The following DLGAP1 variants were observed in gnomAD, a reference collection of about 807,000 sequenced individuals.
DLGAP1 encodes the protein DLG associated protein 1.
A neutral mutation model predicts 90.8 loss-of-function variants in DLGAP1; 11 were observed. That is an observed-to-expected ratio of 0.12 (90% confidence interval 0.08 to 0.20). The LOEUF is 0.20. Ranked by LOEUF, DLGAP1 falls within the 10% of genes least tolerant of loss-of-function variation. The pLI is 1.00. For synonymous variants in DLGAP1, 558 were observed against 540.7 expected, an observed-to-expected ratio of 1.03 and a Z score of -0.44; for missense variants, 1,050 against 1,333.8, an observed-to-expected ratio of 0.79 and a Z score of 3.31.
intron 3 of DLGAP1, among the ~76,000 whole-genome samples, chr18:3,906,014 A>G (rs1168788676): frequency 6.6e-6 from 1 of 152,208 alleles, no homozygotes; most frequent in Non-Finnish European, 1.5e-5. Flanking sequence ...TACCTGAGGA[A>G]TTGCAGACCA....
At chr18:3,843,107 T>G (rs2068811440) in intron 4 of DLGAP1, among the ~76,000 whole-genome samples, 1 of 152,216 alleles carries the variant, frequency 6.6e-6, no homozygotes, top group Admixed American at 6.5e-5. Context: ...ACCTGCTCTG[T>G]GGCCTTTGAT....
Position 3,526,072 on chromosome 18 carries a change from A to G in DLGAP1, c.2479+8122T>C, listed in dbSNP as rs557739365. Among the ~76,000 whole-genome samples, 1 of 152,238 alleles carries G rather than the reference A, an allele frequency of 6.6e-6. No homozygotes were observed. The highest frequency in any genetic ancestry group is 2.1e-4 in the South Asian group (1 of 4,818). The stretch of plus-strand genomic sequence containing the variant: ...CACTTCCTCTGCGGTCACTAATTTC[A>G]GGTTGTCTGGAGCTTACAAAAAGAG... On this transcript the variant is annotated intron_variant, in intron 10 of 12. Coordinates refer to ENST00000315677, the MANE Select transcript of DLGAP1 (RefSeq NM_004746.4). This position sits in a 1 kb window ranked among gnomAD's most constrained non-coding sequence, Gnocchi z 4.7.
chr18:4,276,567 T>C (rs573113397), intron 1 of DLGAP1, among the ~76,000 whole-genome samples: 2 of 151,282 alleles, frequency 1.3e-5, no homozygotes, highest in African/African-American at 2.4e-5. Context: ...ACCCAGGAGG[T>C]AGAAGTTGCA....
intron 1 of DLGAP1, among the ~76,000 whole-genome samples, chr18:4,178,781 T>C (rs1235966702): frequency 6.6e-6 from 1 of 152,142 alleles, no homozygotes; most frequent in Non-Finnish European, 1.5e-5. Context: ...ACTTAAATAA[T>C]AAATAGTAAG....
At chr18:3,623,898 G>A (rs1199094250) in intron 7 of DLGAP1, among the ~76,000 whole-genome samples, 7 of 152,058 alleles carry the variant, frequency 4.6e-5, no homozygotes, top group South Asian at 4.1e-4. Flanking sequence ...GTCCCCGTGC[G>A]GATGCCCGTT....
intron 5 of DLGAP1, among the ~76,000 whole-genome samples, chr18:3,785,143 C>A (rs773238333): frequency 6.6e-6 from 1 of 152,196 alleles, no homozygotes. Context: ...GAAGAACAGG[C>A]TGTATTAGTT....
chr18:3,500,966 T>C (rs986825211), intron 12 of DLGAP1, among the ~76,000 whole-genome samples: 6 of 152,096 alleles, frequency 3.9e-5, no homozygotes, highest in African/African-American at 7.2e-5. Flanking sequence ...CAGGCTGGAG[T>C]GCAGTGGCGC....
intron 4 of DLGAP1, among the ~76,000 whole-genome samples, chr18:3,856,830 C>T (rs982513242): frequency 6.6e-6 from 1 of 151,640 alleles, no homozygotes; most frequent in Non-Finnish European, 1.5e-5. Context: ...CACCGCACTC[C>T]AGCCTGGGCG....
intron 3 of DLGAP1, chr18:3,978,614 A>T (rs546117292): frequency 9.1e-5 from 19 of 208,534 alleles, no homozygotes; most frequent in Admixed American, 3.7e-4. Context: ...CACCTTCACC[A>T]TGGTGTCTCA....
chr18:4,268,496 C>T (rs79632635), intron 1 of DLGAP1, among the ~76,000 whole-genome samples: 4,185 of 152,094 alleles, frequency 0.028, 130 homozygotes, highest in African/African-American at 0.07. Context: ...CTTGCCACAC[C>T]GGCTGTAATT....
intron 7 of DLGAP1, among the ~76,000 whole-genome samples, chr18:3,587,665 G>T (rs1328266927): frequency 6.6e-6 from 1 of 152,102 alleles, no homozygotes; most frequent in African/African-American, 2.4e-5. Flanking sequence ...TCTTGCTGCT[G>T]CTCACTCTTT....
At chr18:3,968,711 T>C (rs945169102) in intron 3 of DLGAP1, among the ~76,000 whole-genome samples, 1 of 152,190 alleles carries the variant, frequency 6.6e-6, no homozygotes, top group Non-Finnish European at 1.5e-5. Context: ...GTGGAGGTAA[T>C]TGAAATTCAA....
chr18:4,071,885 G>C (rs1050551956), intron 2 of DLGAP1, among the ~76,000 whole-genome samples: 1 of 152,196 alleles, frequency 6.6e-6, no homozygotes, highest in Non-Finnish European at 1.5e-5. Flanking sequence ...TTGTTCCTAA[G>C]TATATTGCAG....
chr18:3,881,950 G>T (rs1009370494), intron 3 of DLGAP1, among the ~76,000 whole-genome samples: 1 of 152,162 alleles, frequency 6.6e-6, no homozygotes, highest in African/African-American at 2.4e-5. Flanking sequence ...ATGAATAATA[G>T]AAGCCAATGG....
intron 3 of DLGAP1, among the ~76,000 whole-genome samples, chr18:3,978,929 T>C (rs570548078): frequency 1.3e-4 from 20 of 152,306 alleles, no homozygotes; most frequent in Admixed American, 5.2e-4. Flanking sequence ...AAAGTGTACG[T>C]AGGTAAATCC....
chr18:4,379,022 T>A (rs1477330623), intron 1 of DLGAP1, among the ~76,000 whole-genome samples: 6 of 152,126 alleles, frequency 3.9e-5, no homozygotes, highest in Non-Finnish European at 8.8e-5. Context: ...CAAGGGTTGA[T>A]CCTTTACTCA....
intron 2 of DLGAP1, among the ~76,000 whole-genome samples, chr18:4,113,438 A>G (rs748586719): frequency 6.6e-6 from 1 of 151,916 alleles, no homozygotes; most frequent in Admixed American, 6.6e-5. Context: ...GTCTTTTGAC[A>G]TGAACATTTT....
chr18:3,843,782 T>G (rs1472229642), intron 4 of DLGAP1, among the ~76,000 whole-genome samples: 1 of 152,184 alleles, frequency 6.6e-6, no homozygotes, highest in Non-Finnish European at 1.5e-5. Flanking sequence ...TCTGTCTTAT[T>G]GTTGTTAAAA....
chr18:4,374,816 C>T (rs1233943606), intron 1 of DLGAP1, among the ~76,000 whole-genome samples: 1 of 151,774 alleles, frequency 6.6e-6, no homozygotes, highest in Non-Finnish European at 1.5e-5. Context: ...TCAACATTGA[C>T]CATATTAGGG....
Sources: allele counts gnomAD v4.1 joint callset (sites outside exome capture counted in the v4.1 genomes callset), GRCh38; gene constraint gnomAD v4.1.1; non-coding constraint Gnocchi (gnomAD v3.1); transcripts MANE v1.5; gene names NCBI Gene and HGNC (gene_info 2026-07-23, HGNC 2026-07-21).